MFSD8: variants seen among roughly 807,000 people sequenced by gnomAD.
MFSD8 encodes major facilitator superfamily domain-containing protein 8.
MFSD8 carries 55 observed loss-of-function variants against 66.4 expected under a neutral mutation model. That is an observed-to-expected ratio of 0.83 (90% CI 0.67 to 1.04). MFSD8 has a LOEUF of 1.04. Among genes scored for constraint, MFSD8 ranks in the 50% least tolerant of loss-of-function variants. The pLI, the probability that MFSD8 is intolerant of heterozygous loss-of-function variation, is 0.00. For missense variants in MFSD8, 550 were observed against 627.6 expected (o/e 0.88, Z 1.32); for synonymous variants, 202 against 212.8 (o/e 0.95, Z 0.44).
intron 9 of MFSD8, among the ~76,000 whole-genome samples, chr4:127,924,644 T>C (rs1226962510): frequency 6.6e-6 from 1 of 152,200 alleles, no homozygotes; most frequent in Non-Finnish European, 1.5e-5. Context: ...AGAATCAATA[T>C]TGTGAAAATG....
At chr4:127,946,254 CA>C (rs1412282387) in intron 3 of MFSD8, among the ~76,000 whole-genome samples, 1 of 152,032 alleles carries the variant, frequency 6.6e-6, no homozygotes, top group Non-Finnish European at 1.5e-5. Flanking sequence ...AAAGAGTTTT[CA>C]AAATATCTGG....
At chr4:127,963,143 T>C (rs999868966) in intron 1 of MFSD8, among the ~76,000 whole-genome samples, 1 of 152,228 alleles carries the variant, frequency 6.6e-6, no homozygotes, top group African/African-American at 2.4e-5. Context: ...ACGTTATTCC[T>C]TTAATGCCTT....
chr4:127,962,887 G>A (rs1464720046), intron 1 of MFSD8, among the ~76,000 whole-genome samples: 1 of 152,148 alleles, frequency 6.6e-6, no homozygotes, highest in African/African-American at 2.4e-5. Flanking sequence ...TTGCCAAAGG[G>A]TTTTGAGTTA....
upstream of MFSD8, chr4:127,965,327 G>A: frequency 1.5e-6 from 1 of 677,732 alleles, no homozygotes; most frequent in Non-Finnish European, 2.6e-6. Context: ...AAAGGAGGCT[G>A]TGTCCTCAGC....
At position 127,919,010 on chromosome 4, in the gene MFSD8, T is replaced by G. The variant is rs146398570; in HGVS notation, c.*1620A>C. 1 of 152,278 alleles carries G rather than the reference T, an allele frequency of 6.6e-6. No homozygotes were observed. Among genetic ancestry groups the G allele is most frequent in the Admixed American group, 6.5e-5 (1 of 15,286 alleles). The allele number at this position is 152,278 out of a possible 1,614,324, so 9.4% of individuals were successfully genotyped here. The stretch of plus-strand genomic sequence containing the variant: ...AAGAGGGATCCCAGACTTGACCAAA[T>G]AGCCAGAACTGGCTACGGTTCTGAG... On this transcript the variant is annotated 3_prime_UTR_variant, in exon 12 of 12. Transcript: ENST00000641686.
Position 127,956,095 on chromosome 4 carries a change from G to A in MFSD8, c.154+1406C>T, listed in dbSNP as rs188554761. Among the ~76,000 whole-genome samples the A allele has an allele frequency of 1.7e-3, 252 of 152,038 alleles. 1 individual carries two copies. The highest frequency in any genetic ancestry group is 5.8e-3 in the African/African-American group (240 of 41,484). ...GATCACACCACTGCACTCCAGCCTG[G>A]GCGACTCCACCTCAAAAAATGAATA... On this transcript the variant is annotated intron_variant, in intron 2 of 11. Transcript: ENST00000641686.
chr4:127,944,195 G>GA (rs1250736785), intron 3 of MFSD8, among the ~76,000 whole-genome samples: 3 of 152,128 alleles, frequency 2.0e-5, no homozygotes, highest in Non-Finnish European at 4.4e-5. Flanking sequence ...GTACACAAGG[G>GA]AAAAATGCTT....
At chr4:127,921,049 T>C in intron 11 of MFSD8, 1 of 594,772 alleles carries the variant, frequency 1.7e-6, no homozygotes, top group Non-Finnish European at 3.0e-6. Flanking sequence ...AAAAACTTAC[T>C]GTCTGCTGAA....
At position 127,921,517 on chromosome 4, in the gene MFSD8, G is replaced by A; in HGVS notation, c.1350+7C>T. ...CTATAATTGCAATGTCAGGGTACCT[G>A]GCTTACCTGAGGTTTTGGTCCTAGA... On this transcript the variant is annotated splice_region_variant and intron_variant, in intron 11 of 11. Coordinates refer to ENST00000641686, the MANE Select transcript of MFSD8 (RefSeq NM_001371596.2). 1 of 1,614,122 alleles carries A rather than the reference G, an allele frequency of 6.2e-7. No individual in the cohort carries two copies. Among genetic ancestry groups the A allele is most frequent in the East Asian group, 2.2e-5 (1 of 44,888 alleles).
At chr4:127,965,467 T>C (rs1744964976), upstream of MFSD8, 1 of 459,262 alleles carries the variant, frequency 2.2e-6, no homozygotes, top group African/African-American at 2.0e-5. Flanking sequence ...TTCCGCTGTA[T>C]CTAGCATTTC....
intron 1 of MFSD8, among the ~76,000 whole-genome samples, chr4:127,963,502 G>C (rs991041908): frequency 3.9e-5 from 6 of 152,108 alleles, no homozygotes; most frequent in African/African-American, 1.4e-4. Flanking sequence ...CTGATGCTCA[G>C]ATGTGTTCAG....
chr4:127,943,704 A>C (rs1362846920), intron 4 of MFSD8, 48 bp downstream of exon 4: 1 of 1,612,504 alleles, frequency 6.2e-7, no homozygotes, highest in Non-Finnish European at 8.5e-7. Context: ...CATAAATGTC[A>C]GAATGAATGT....
chr4:127,938,420 A>G (rs1271529945), intron 7 of MFSD8, among the ~76,000 whole-genome samples: 1 of 151,854 alleles, frequency 6.6e-6, no homozygotes, highest in Non-Finnish European at 1.5e-5. Flanking sequence ...CATCTCTACT[A>G]AAAATACAAA....
intron 3 of MFSD8, among the ~76,000 whole-genome samples, chr4:127,946,792 G>C (rs891856872): frequency 2.0e-5 from 3 of 152,064 alleles, no homozygotes; most frequent in African/African-American, 7.2e-5. Flanking sequence ...GTGCACGACT[G>C]TAATCCCAGC....
intron 1 of MFSD8, among the ~76,000 whole-genome samples, chr4:127,959,574 G>T (rs972138020): frequency 6.6e-6 from 1 of 151,988 alleles, no homozygotes; most frequent in Non-Finnish European, 1.5e-5. Context: ...TAAGTACTTG[G>T]GACAAAGTAT....
intron 1 of MFSD8, among the ~76,000 whole-genome samples, chr4:127,962,065 A>C (rs1019058532): frequency 5.3e-5 from 8 of 152,152 alleles, no homozygotes; most frequent in African/African-American, 1.9e-4. Context: ...CAATAAAACA[A>C]CTGTTGCTGC....
chr4:127,965,333 T>A, upstream of MFSD8: 2 of 649,606 alleles, frequency 3.1e-6, no homozygotes, highest in Non-Finnish European at 5.5e-6. Flanking sequence ...GGCTGTGTCC[T>A]CAGCCTCCTC....
At chr4:127,939,396 G>C (rs1739714821) in intron 6 of MFSD8, 1 of 159,602 alleles carries the variant, frequency 6.3e-6, no homozygotes, top group African/African-American at 2.4e-5. Context: ...AGGCCGAGGT[G>C]GGCAGATCAC....
intron 5 of MFSD8, among the ~76,000 whole-genome samples, chr4:127,941,458 C>A (rs773144372): frequency 5.9e-5 from 9 of 152,018 alleles, no homozygotes; most frequent in African/African-American, 1.2e-4. Flanking sequence ...TGAGGAAATA[C>A]TAAATCTCAT....
Sources: gnomAD v4.1 joint callset for allele counts (sites outside exome capture counted in the v4.1 genomes callset) on GRCh38, gnomAD v4.1.1 for gene constraint, MANE v1.5 for transcripts, NCBI Gene and HGNC (gene_info 2026-07-23, HGNC 2026-07-21) for gene names.